ZFHX3: variants seen among roughly 807,000 people sequenced by gnomAD.
ZFHX3 encodes zinc finger homeobox protein 3.
In ZFHX3, 42 loss-of-function variants were observed where a neutral mutation model predicts 279.1. The observed-to-expected ratio is 0.15, with a 90% CI of 0.12 to 0.19. The LOEUF is 0.19. Ranked by LOEUF, ZFHX3 falls within the 10% of genes least tolerant of loss-of-function variation. The pLI is 1.00. For synonymous variants in ZFHX3, 2,293 were observed against 1,957.8 expected (o/e 1.17, Z -4.52); for missense variants, 4,981 against 4,754.0 (o/e 1.05, Z -1.40).
intron 1 of ZFHX3, among the ~76,000 whole-genome samples, chr16:73,840,146 T>C (rs903595027): frequency 6.6e-6 from 1 of 152,056 alleles, no homozygotes; most frequent in Non-Finnish European, 1.5e-5. Context: ...AAATAAGTAA[T>C]GTATGACCCT....
intron 5 of ZFHX3, among the ~76,000 whole-genome samples, chr16:72,816,243 C>A (rs2036603211): frequency 6.6e-6 from 1 of 152,124 alleles, no homozygotes. Context: ...TGCAAAACAT[C>A]AGATGGTATT....
chr16:73,128,829 G>A (rs1966618972), intron 7 of ZFHX3, among the ~76,000 whole-genome samples: 1 of 152,128 alleles, frequency 6.6e-6, no homozygotes, highest in Non-Finnish European at 1.5e-5. Context: ...GAATTCCTTA[G>A]CATTAGAAGA....
chr16:73,753,102 C>T (rs1481429639), intron 1 of ZFHX3, among the ~76,000 whole-genome samples: 1 of 152,098 alleles, frequency 6.6e-6, no homozygotes, highest in African/African-American at 2.4e-5. Flanking sequence ...TGTGGGTTAG[C>T]GTTCCTAAGC....
At chr16:72,880,023 T>C (rs1252564053) in intron 4 of ZFHX3, among the ~76,000 whole-genome samples, 1 of 152,160 alleles carries the variant, frequency 6.6e-6, no homozygotes, top group East Asian at 1.9e-4. Flanking sequence ...CCGGCTTCAT[T>C]TGGAGTCCCC....
chr16:73,095,829 G>A (rs972925277), intron 7 of ZFHX3, among the ~76,000 whole-genome samples: 3 of 152,196 alleles, frequency 2.0e-5, no homozygotes, highest in Admixed American at 6.5e-5. Flanking sequence ...GAAAGAAGGC[G>A]GTGGGTGGAG....
chr16:73,867,735 A>T (rs563693682), intron 1 of ZFHX3, among the ~76,000 whole-genome samples: 1 of 152,278 alleles, frequency 6.6e-6, no homozygotes, highest in East Asian at 1.9e-4. Context: ...ATGCACTCTG[A>T]TATCTGTAGA....
chr16:73,236,565 C>G (rs544259013), intron 5 of ZFHX3, among the ~76,000 whole-genome samples: 13 of 151,968 alleles, frequency 8.6e-5, no homozygotes, highest in African/African-American at 3.1e-4. Flanking sequence ...GCCACTGCAC[C>G]CCAGCCTGGG....
chr16:73,772,484 T>A (rs117943901), intron 1 of ZFHX3, among the ~76,000 whole-genome samples: 2,687 of 152,246 alleles, frequency 0.018, 26 homozygotes, highest in Non-Finnish European at 0.027. Context: ...TCCCACAACA[T>A]GTGAGAATTC....
chr16:73,728,936 G>T (rs567401499), intron 1 of ZFHX3, among the ~76,000 whole-genome samples: 2 of 151,938 alleles, frequency 1.3e-5, no homozygotes, highest in Admixed American at 6.6e-5. Flanking sequence ...GTGGCACCCA[G>T]AAGTAACCAG....
At chr16:73,604,607 A>G (rs1013952840) in intron 2 of ZFHX3, among the ~76,000 whole-genome samples, 1 of 152,108 alleles carries the variant, frequency 6.6e-6, no homozygotes, top group East Asian at 1.9e-4. Context: ...TTAGCTGAGC[A>G]TGGTGGCAGA....
intron 5 of ZFHX3, among the ~76,000 whole-genome samples, chr16:72,823,906 C>A (rs1461379099): frequency 1.3e-5 from 2 of 152,144 alleles, no homozygotes; most frequent in Non-Finnish European, 2.9e-5. Context: ...CACGTTTCCT[C>A]TCAGCACATA....
chr16:73,306,306 T>G (rs1435546429), intron 4 of ZFHX3, among the ~76,000 whole-genome samples: 1 of 152,238 alleles, frequency 6.6e-6, no homozygotes, highest in Non-Finnish European at 1.5e-5. Context: ...TATCTGCATT[T>G]AACACATGAA....
chr16:73,855,755 C>T (rs149183402), intron 1 of ZFHX3, among the ~76,000 whole-genome samples: 96 of 152,264 alleles, frequency 6.3e-4, no homozygotes, highest in East Asian at 4.4e-3. Context: ...GTCTCATCAT[C>T]ATCTTGGAGA....
chr16:73,866,441 G>C (rs1369866997), intron 1 of ZFHX3, among the ~76,000 whole-genome samples: 1 of 151,760 alleles, frequency 6.6e-6, no homozygotes, highest in African/African-American at 2.4e-5. Context: ...GGGATTACAG[G>C]TATGAGCCAC....
At chr16:73,789,156 T>C (rs1384600433) in intron 1 of ZFHX3, among the ~76,000 whole-genome samples, 2 of 151,838 alleles carry the variant, frequency 1.3e-5, no homozygotes, top group East Asian at 3.9e-4. Context: ...ATAGGTATTT[T>C]ATATATGGAT....
intron 7 of ZFHX3, among the ~76,000 whole-genome samples, chr16:73,109,142 G>A (rs1386464999): frequency 6.6e-6 from 1 of 152,192 alleles, no homozygotes; most frequent in Non-Finnish European, 1.5e-5. Flanking sequence ...AGAATGATCT[G>A]GTAACTGTTT....
intron 1 of ZFHX3, among the ~76,000 whole-genome samples, chr16:73,686,511 C>A: frequency 6.6e-6 from 1 of 152,100 alleles, no homozygotes. Flanking sequence ...CTCAACTGAC[C>A]CTTCGGGAAT....
At chr16:73,553,008 T>A (rs540063117) in intron 2 of ZFHX3, among the ~76,000 whole-genome samples, 87 of 152,326 alleles carry the variant, frequency 5.7e-4, no homozygotes, top group African/African-American at 2.1e-3. Context: ...TTTGTCACAT[T>A]CTGCCGGGCT....
At position 73,297,260 on chromosome 16, in the gene ZFHX3, C is replaced by T. The variant is rs79365923; in HGVS notation, c.-1194+20980G>A. 6.1e-3 allele frequency among the ~76,000 whole-genome samples: 932 copies of T among 152,028 alleles called. 28 individuals carry two copies. The highest frequency in any genetic ancestry group is 0.021 in the African/African-American group (888 of 41,314). The stretch of plus-strand genomic sequence containing the variant: ...AGTAATTGACCAAGGTTGCCAAGCT[C>T]GCAAGTGGTGGAGCCAAGATGCAAA... On this transcript the variant is annotated intron_variant, in intron 4 of 17. Coordinates refer to the ZFHX3 transcript ENST00000641206.
Sources: allele counts gnomAD v4.1 joint callset (sites outside exome capture counted in the v4.1 genomes callset), GRCh38; gene constraint gnomAD v4.1.1; transcripts MANE v1.5; gene names NCBI Gene and HGNC (gene_info 2026-07-23, HGNC 2026-07-21).